Variants in MAP3K4 observed in about 807,000 individuals in gnomAD.
MAP3K4 encodes MAP three kinase 1.
MAP3K4 carries 67 observed loss-of-function variants against 185.6 expected under a neutral mutation model. The ratio of observed to expected loss-of-function variants is 0.36; its 90% CI spans 0.30 to 0.44. MAP3K4 has a LOEUF of 0.44. Ranked by LOEUF, MAP3K4 falls within the 20% of genes least tolerant of loss-of-function variation. The pLI is 1.00. For missense variants in MAP3K4, 1,551 were observed against 1,995.1 expected, an observed-to-expected ratio of 0.78 and a Z score of 4.24; for synonymous variants, 702 against 710.4, an observed-to-expected ratio of 0.99 and a Z score of 0.19.
At chr6:161,058,636 A>G (rs1297368392) in intron 3 of MAP3K4, among the ~76,000 whole-genome samples, 1 of 152,174 alleles carries the variant, frequency 6.6e-6, no homozygotes, top group Non-Finnish European at 1.5e-5. Context: ...TGATTCTATA[A>G]ATTATGTCTT....
In MAP3K4 at chr6:161,080,865, CT is replaced by C; in HGVS notation, c.2098-11del. On this transcript the variant is annotated splice_polypyrimidine_tract_variant and intron_variant, in intron 5 of 26. Coordinates refer to ENST00000392142, the MANE Select transcript of MAP3K4 (RefSeq NM_005922.4). The surrounding 1 kb of genome is among the most constrained non-coding windows in gnomAD (Gnocchi z 4.8). ...TTCTACTTTCAAATGTCTCCCTTTACTTTTTGTGTTTTAAGGTGTATTTTGA... is the reference window on the plus strand; with the variant it reads ...TTCTACTTTCAAATGTCTCCCTTTACTTTTGTGTTTTAAGGTGTATTTTGA... 6.2e-7 allele frequency: 1 copy of C among 1,611,860 alleles called. No homozygotes were observed. Among genetic ancestry groups the C allele is most frequent in the South Asian group, 1.1e-5 (1 of 90,834 alleles).
chr6:161,013,100 C>T (rs1781923154), intron 1 of MAP3K4, among the ~76,000 whole-genome samples: 1 of 152,132 alleles, frequency 6.6e-6, no homozygotes, highest in African/African-American at 2.4e-5. Context: ...ATAATTTCCT[C>T]TGGAAAGATT....
intron 1 of MAP3K4, among the ~76,000 whole-genome samples, chr6:161,009,925 C>G (rs1781769856): frequency 6.6e-6 from 1 of 152,132 alleles, no homozygotes; most frequent in African/African-American, 2.4e-5. Flanking sequence ...GGCTTAATAC[C>G]TAGGTGATGG....
chr6:161,102,801 TTAA>T, intron 19 of MAP3K4, 22 bp downstream of exon 19: 1 of 958,646 alleles, frequency 1.0e-6, no homozygotes, highest in Non-Finnish European at 1.4e-6. Context: ...AGTGTTGAAG[TTAA>T]AAAAAAAAAA....
intron 13 of MAP3K4, among the ~76,000 whole-genome samples, chr6:161,092,576 A>G (rs1265453288): frequency 1.3e-5 from 2 of 152,156 alleles, no homozygotes; most frequent in Non-Finnish European, 2.9e-5. Context: ...GTAATTTGTA[A>G]TGGAGGGATA....
rs745579256 is a variant in MAP3K4 at position 161,116,909 on chromosome 6, A to G, written c.*39A>G. The stretch of plus-strand genomic sequence containing the variant: ...ATGGACTTGGAAAATTCTCTTAATC[A>G]CTACTGTATGTAATATTTACATAAA... On this transcript the variant is annotated 3_prime_UTR_variant, in exon 27 of 27. Transcript: ENST00000392142. This position sits in a 1 kb window ranked among gnomAD's most constrained non-coding sequence, Gnocchi z 6.2. The G allele has an allele frequency of 1.3e-6, 2 of 1,577,480 alleles. No homozygotes were observed. The highest frequency in any genetic ancestry group is 3.3e-5 in the Admixed American group (2 of 59,974).
chr6:161,067,280 G>T lies in MAP3K4; in HGVS notation c.1708-3328G>T, dbSNP rs1487466083. ...GACAGGACAACTCGAAGCAGGGATG[G>T]GGCTTGCAGGTCACAGGTAGGTAAG... is the stretch of plus-strand genomic sequence containing the variant. On this transcript the variant is annotated intron_variant, in intron 3 of 26. Coordinates refer to ENST00000392142, the MANE Select transcript of MAP3K4 (RefSeq NM_005922.4). This position sits in a 1 kb window ranked among gnomAD's most constrained non-coding sequence, Gnocchi z 6.3. 2.3e-6 allele frequency: 1 copy of T among 439,028 alleles called. No homozygotes were observed. The highest frequency in any genetic ancestry group is 2.0e-5 in the African/African-American group (1 of 49,326). The allele number at this position is 439,028 out of a possible 1,614,324, so 27.2% of individuals were successfully genotyped here.
Position 161,087,910 on chromosome 6 carries a change from G to A in MAP3K4, c.2779G>A (p.Val927Ile). The A allele has an allele frequency of 1.2e-6, 2 of 1,614,102 alleles. No individual in the cohort carries two copies. Among genetic ancestry groups the A allele is most frequent in the East Asian group, 2.2e-5 (1 of 44,874 alleles). Residue 927 changes from valine to isoleucine, a missense_variant, in exon 10 of 27, where the codon GTC becomes ATC. Physicochemically the swap from Val to Ile is conservative, Grantham distance 29. This residue lies in a region of MAP3K4 where 261 missense variants were observed against 306.5 expected (regional missense o/e 0.85). Coordinates refer to ENST00000392142, the MANE Select transcript of MAP3K4 (RefSeq NM_005922.4). The surrounding 1 kb of genome is among the most constrained non-coding windows in gnomAD (Gnocchi z 4.9). Reference sequence around the variant, plus strand: ...CACCTGGGAGGCACAGCCTGTCAAAGTCGTGCCTCAGGTGGAGACTGTTGA... The same window carrying A: ...CACCTGGGAGGCACAGCCTGTCAAAATCGTGCCTCAGGTGGAGACTGTTGA... ...WGTWEAQPVK[V>I]VPQVETVDTL...
chr6:161,045,515 A>G (rs1006925286), intron 2 of MAP3K4, among the ~76,000 whole-genome samples: 2 of 152,144 alleles, frequency 1.3e-5, no homozygotes, highest in Admixed American at 6.5e-5. Flanking sequence ...ATAAAGGTCT[A>G]GGGTGAGAAG....
intron 3 of MAP3K4, among the ~76,000 whole-genome samples, chr6:161,059,433 C>T (rs190051253): frequency 6.6e-5 from 10 of 152,238 alleles, no homozygotes; most frequent in African/African-American, 2.2e-4. Context: ...CACTGGCACC[C>T]GACCTAAATC....
intron 1 of MAP3K4, among the ~76,000 whole-genome samples, chr6:161,032,829 A>G (rs1240508559): frequency 2.6e-5 from 4 of 152,344 alleles, no homozygotes; most frequent in South Asian, 2.1e-4. Context: ...AAATTTGCAC[A>G]TGGTTTGAAG....
At chr6:161,039,105 G>A (rs879025027) in intron 2 of MAP3K4, among the ~76,000 whole-genome samples, 2 of 152,052 alleles carry the variant, frequency 1.3e-5, no homozygotes, top group Admixed American at 1.3e-4. Flanking sequence ...AGTTCCATGA[G>A]GCTGGCCCAA....
rs770667469 is a variant in MAP3K4, at chr6:161,091,375, T to G, written c.2974-4T>G. On this transcript the variant is annotated splice_region_variant and splice_polypyrimidine_tract_variant and intron_variant, in intron 11 of 26. Transcript: ENST00000392142. The surrounding 1 kb of genome is among the most constrained non-coding windows in gnomAD (Gnocchi z 5.5). Reference sequence around the variant, plus strand: ...TTGCATTAATCATGGTTTGGACTCTTCAGAATGATGCATTGGAGCTATGCA... The same window carrying G: ...TTGCATTAATCATGGTTTGGACTCTGCAGAATGATGCATTGGAGCTATGCA... 1.2e-6 allele frequency: 2 copies of G among 1,612,630 alleles called. No individual in the cohort carries two copies. Among genetic ancestry groups the G allele is most frequent in the Admixed American group, 1.7e-5 (1 of 59,670 alleles).
Position 161,107,048 on chromosome 6 carries a change from G to GCACACAAACACA in MAP3K4, c.4048+344_4048+345insACACAAACACAC, listed in dbSNP as rs1168768049. Among the ~76,000 whole-genome samples, 5 of 141,116 alleles carry GCACACAAACACA rather than the reference G, an allele frequency of 3.5e-5. No homozygotes were observed. Among genetic ancestry groups the GCACACAAACACA allele is most frequent in the Admixed American group, 6.9e-5 (1 of 14,432 alleles). The allele number at this position is 141,116 out of a possible 152,430, so 92.6% of individuals were successfully genotyped here. A position where few individuals can be genotyped will look rare whatever the true frequency, so the allele number is the denominator to read the frequency against. On this transcript the variant is annotated intron_variant, in intron 20 of 26. Coordinates refer to ENST00000392142, the MANE Select transcript of MAP3K4 (RefSeq NM_005922.4). This position sits in a 1 kb window ranked among gnomAD's most constrained non-coding sequence, Gnocchi z 6.2. The stretch of plus-strand genomic sequence containing the variant: ...TCTCTCTCTCTCTCTACACACGCGC[G>GCACACAAACACA]CGCACACACACACACACACACACAC...
chr6:161,035,051 C>T (rs928996119), intron 2 of MAP3K4, among the ~76,000 whole-genome samples: 3 of 152,066 alleles, frequency 2.0e-5, no homozygotes, highest in African/African-American at 7.3e-5. Context: ...CTTTTTCTTT[C>T]CCCCCAACCT....
chr6:161,071,233 C>G lies in MAP3K4; in HGVS notation c.1950+383C>G, dbSNP rs1784927684. On this transcript the variant is annotated intron_variant, in intron 4 of 26. Coordinates refer to ENST00000392142, the MANE Select transcript of MAP3K4 (RefSeq NM_005922.4). This position sits in a 1 kb window ranked among gnomAD's most constrained non-coding sequence, Gnocchi z 4.6. The stretch of plus-strand genomic sequence containing the variant: ...GAATAGGCATGGGGAGGGGTTTGGA[C>G]TTTCTGCTTGCTTAAGCAGTGGTAT... 6.6e-6 allele frequency among the ~76,000 whole-genome samples: 1 copy of G among 152,036 alleles called. No homozygotes were observed. Among genetic ancestry groups the G allele is most frequent in the South Asian group, 2.1e-4 (1 of 4,818 alleles).
Position 160,994,008 on chromosome 6 carries a change from G to T in MAP3K4, c.152+1925G>T, listed in dbSNP as rs189451289. On this transcript the variant is annotated intron_variant, in intron 1 of 26. Coordinates refer to ENST00000392142, the MANE Select transcript of MAP3K4 (RefSeq NM_005922.4). ...AGAACTGACCTCTGACAGAATTACT[G>T]TAGATCTTTGGTAAAAGATGTAGGG... Among the ~76,000 whole-genome samples the T allele has an allele frequency of 2.7e-3, 409 of 151,912 alleles. 1 individual carries two copies. Among genetic ancestry groups the T allele is most frequent in the African/African-American group, 9.6e-3 (396 of 41,428 alleles).
chr6:160,994,137 A>C (rs1161144950), intron 1 of MAP3K4, among the ~76,000 whole-genome samples: 1 of 148,808 alleles, frequency 6.7e-6, no homozygotes, highest in Non-Finnish European at 1.5e-5. Flanking sequence ...TTTTTTTTAC[A>C]ATTTTCTTTT....
chr6:161,027,330 A>G (rs2115139158), intron 1 of MAP3K4, among the ~76,000 whole-genome samples: 1 of 152,320 alleles, frequency 6.6e-6, no homozygotes, highest in Non-Finnish European at 1.5e-5. Context: ...AACTCAGTAG[A>G]CTATTATACA....
Sources: gnomAD v4.1 joint callset for allele counts (sites outside exome capture counted in the v4.1 genomes callset) on GRCh38, gnomAD v4.1.1 for gene constraint, gnomAD v4.1.1 regional missense constraint, Gnocchi (gnomAD v3.1) non-coding constraint, MANE v1.5 for transcripts, NCBI Gene and HGNC (gene_info 2026-07-23, HGNC 2026-07-21) for gene names.